NLGN4X: variants seen among roughly 807,000 people sequenced by gnomAD.
NLGN4X encodes the protein neuroligin-4, X-linked.
A neutral mutation model predicts 40.3 loss-of-function variants in NLGN4X; 3 were observed. That is an observed-to-expected ratio of 0.07 (90% confidence interval 0.03 to 0.19). The LOEUF is 0.19. Among genes scored for constraint, NLGN4X ranks in the 10% least tolerant of loss-of-function variants. The pLI, the probability that NLGN4X is intolerant of heterozygous loss-of-function variation, is 1.00. For synonymous variants in NLGN4X, 270 were observed against 306.8 expected (o/e 0.88, Z 1.25); for missense variants, 382 against 708.3 (o/e 0.54, Z 5.23).
intron 5 of NLGN4X, among the ~76,000 whole-genome samples, chrX:5,896,116 C>T (rs1454669688): frequency 7.2e-5 from 8 of 111,826 alleles, no homozygotes; most frequent in Admixed American, 2.8e-4. Context: ...GTGGCTACCT[C>T]ATCTATTAAG....
At chrX:6,010,133 G>C (rs1482536214) in intron 3 of NLGN4X, among the ~76,000 whole-genome samples, 1 of 111,882 alleles carries the variant, frequency 8.9e-6, no homozygotes, top group Non-Finnish European at 1.9e-5. Context: ...TTTCCTGTAG[G>C]AGTACAGATA....
chrX:6,207,055 TAC>T (rs371238129), intron 1 of NLGN4X, among the ~76,000 whole-genome samples: 26 of 106,342 alleles, frequency 2.4e-4, no homozygotes, highest in Admixed American at 6.1e-4. Context: ...CACACACACA[TAC>T]ACACACACAC....
intron 2 of NLGN4X, among the ~76,000 whole-genome samples, chrX:6,123,544 C>G (rs1451111657): frequency 1.8e-5 from 2 of 111,098 alleles, no homozygotes; most frequent in Non-Finnish European, 3.8e-5. Context: ...ATCTAGAGCC[C>G]AGATTCTCTT....
chrX:5,976,405 G>T (rs112658420), intron 3 of NLGN4X, among the ~76,000 whole-genome samples: 41 of 112,080 alleles, frequency 3.7e-4, no homozygotes, highest in African/African-American at 1.3e-3. Context: ...TGCTTCTAAA[G>T]ATCATGCTTC....
At chrX:5,896,394 C>A (rs2031495808) in intron 5 of NLGN4X, among the ~76,000 whole-genome samples, 1 of 111,592 alleles carries the variant, frequency 9.0e-6, no homozygotes, top group Non-Finnish European at 1.9e-5. Flanking sequence ...CTTACCAAAC[C>A]CTCCAGACAG....
chrX:6,000,840 C>A (rs770790095), intron 3 of NLGN4X, among the ~76,000 whole-genome samples: 2 of 111,633 alleles, frequency 1.8e-5, no homozygotes, highest in Non-Finnish European at 1.9e-5. Context: ...TCCAAAGTCA[C>A]TTCCACATTT....
chrX:6,114,238 C>CA (rs2147541089), intron 2 of NLGN4X, among the ~76,000 whole-genome samples: 1 of 111,248 alleles, frequency 9.0e-6, no homozygotes, highest in African/African-American at 3.3e-5. Flanking sequence ...TGGCTTTAGG[C>CA]AAAAAAGCAT....
chrX:6,038,993 T>C (rs1417485288), intron 2 of NLGN4X, among the ~76,000 whole-genome samples: 2 of 110,898 alleles, frequency 1.8e-5, no homozygotes, highest in Non-Finnish European at 3.8e-5. Flanking sequence ...CCAGGGCACA[T>C]AACTACTAGA....
chrX:6,162,443 C>T (rs765180805), intron 1 of NLGN4X, among the ~76,000 whole-genome samples: 2 of 111,589 alleles, frequency 1.8e-5, no homozygotes, highest in African/African-American at 6.5e-5. Context: ...CAGCTGCCAG[C>T]AAATATAAAG....
intron 1 of NLGN4X, among the ~76,000 whole-genome samples, chrX:6,206,335 T>C (rs761680184): frequency 2.1e-4 from 24 of 112,113 alleles, no homozygotes; most frequent in Non-Finnish European, 3.6e-4. Context: ...ATTAATTTGA[T>C]TGTGATCATT....
At position 6,124,723 on chromosome X, in the gene NLGN4X, G is replaced by A. The variant is rs368042737; in HGVS notation, c.472+26272C>T. ...AACAAATAAGATATAGAAGACTGAA[G>A]TAACCCATACATGTGATCTGGTGGG... is the stretch of plus-strand genomic sequence containing the variant. On this transcript the variant is annotated intron_variant, in intron 2 of 5. Coordinates refer to ENST00000381095, the MANE Select transcript of NLGN4X (RefSeq NM_181332.3). 7.3e-5 allele frequency among the ~76,000 whole-genome samples: 8 copies of A among 110,280 alleles called. No individual in the cohort carries two copies. In the East Asian group the frequency reaches 1.7e-3, roughly 24 times the overall value.
intron 2 of NLGN4X, among the ~76,000 whole-genome samples, chrX:6,046,259 A>G (rs1190613343): frequency 5.4e-5 from 6 of 111,772 alleles, no homozygotes; most frequent in Non-Finnish European, 9.4e-5. Flanking sequence ...AGAATTCCCA[A>G]TAAGATCTTT....
intron 2 of NLGN4X, among the ~76,000 whole-genome samples, chrX:6,043,919 C>G (rs1172069247): frequency 9.1e-6 from 1 of 110,451 alleles, no homozygotes; most frequent in East Asian, 2.8e-4. Context: ...TTTTGCTACT[C>G]TTTTGAACTT....
chrX:6,018,514 T>C (rs1350322315), intron 3 of NLGN4X, among the ~76,000 whole-genome samples: 1 of 111,916 alleles, frequency 8.9e-6, no homozygotes, highest in Non-Finnish European at 1.9e-5. Flanking sequence ...TTTTTAATGT[T>C]TAAAGATGGG....
At chrX:5,929,092 G>GA (rs113770786) in intron 3 of NLGN4X, among the ~76,000 whole-genome samples, 5,034 of 107,916 alleles carry the variant, frequency 0.047, 298 homozygotes, top group African/African-American at 0.16. Context: ...TGTTCATTTT[G>GA]AAAAAAAAAT....
intron 3 of NLGN4X, among the ~76,000 whole-genome samples, chrX:5,934,302 C>T (rs1478432650): frequency 9.0e-6 from 1 of 111,600 alleles, no homozygotes; most frequent in Non-Finnish European, 1.9e-5. Flanking sequence ...ATATACATCT[C>T]AAGTATAACA....
chrX:5,949,037 A>C (rs899874255), intron 3 of NLGN4X, among the ~76,000 whole-genome samples: 57 of 111,597 alleles, frequency 5.1e-4, no homozygotes, highest in African/African-American at 1.6e-3. Flanking sequence ...GGTTTCCAAG[A>C]GAGAATGCCC....
chrX:6,168,452 G>A (rs939290096), intron 1 of NLGN4X, among the ~76,000 whole-genome samples: 1 of 112,110 alleles, frequency 8.9e-6, no homozygotes, highest in Non-Finnish European at 1.9e-5. Flanking sequence ...GAATTAATTG[G>A]ATAATTAGGA....
At chrX:6,050,675 ATATC>A (rs759247249) in intron 2 of NLGN4X, among the ~76,000 whole-genome samples, 106 of 110,964 alleles carry the variant, frequency 9.6e-4, no homozygotes, top group Admixed American at 2.6e-3. Flanking sequence ...CCACCTATTC[ATATC>A]TATCTATTTA....
Sources: allele counts gnomAD v4.1 joint callset (sites outside exome capture counted in the v4.1 genomes callset), GRCh38; gene constraint gnomAD v4.1.1; transcripts MANE v1.5; gene names NCBI Gene and HGNC (gene_info 2026-07-23, HGNC 2026-07-21).